Variants in ARAP2 observed in about 807,000 individuals in gnomAD.
The protein encoded by ARAP2 is arf-GAP with Rho-GAP domain, ANK repeat and PH domain-containing protein 2.
Under a neutral mutation model 194.5 loss-of-function variants are expected in ARAP2, and 148 were observed. The ratio of observed to expected loss-of-function variants is 0.76; its 90% CI spans 0.67 to 0.87. The LOEUF is 0.87. Ranked by LOEUF, ARAP2 falls within the 40% of genes least tolerant of loss-of-function variation. ARAP2 has a pLI of 0.00. For missense variants in ARAP2, 2,128 were observed against 1,989.7 expected (o/e 1.07, Z -1.32); for synonymous variants, 695 against 683.5 (o/e 1.02, Z -0.26).
At chr4:36,128,453 A>G in intron 21 of ARAP2, 80 bp downstream of exon 21, 1 of 1,001,444 alleles carries the variant, frequency 1.0e-6, no homozygotes. Flanking sequence ...ATTAAAAGGC[A>G]AGCATGTATT....
At position 36,005,649 on chromosome 4, in the gene ARAP2, A is replaced by T. The variant is rs1318450612; in HGVS notation, n.1469+1254T>A. On this transcript the variant is annotated intron_variant and non_coding_transcript_variant, in intron 10 of 12. Transcript: ENST00000503225. ...TATACAATTCTATACATTTGCCATA[A>T]ACTGACCACAATTTTGCCTCTAAGC... The T allele has an allele frequency of 3.3e-5, 5 of 152,294 alleles. No individual in the cohort carries two copies. In the East Asian group the frequency reaches 5.8e-4, roughly 18 times the overall value. The allele number at this position is 152,294 out of a possible 1,614,324, so 9.4% of individuals were successfully genotyped here. A position where few individuals can be genotyped will look rare whatever the true frequency, so the allele number is the denominator to read the frequency against.
At position 36,057,205 on chromosome 4, in the gene ARAP2, T is replaced by C. The variant is rs561057301; in HGVS notation, n.321+765A>G. On this transcript the variant is annotated intron_variant and non_coding_transcript_variant, in intron 2 of 12. Coordinates refer to the ARAP2 transcript ENST00000503225. Reference sequence around the variant, plus strand: ...ACTTTAATAATTGTAATTGTTTTTTTTTTGGCTTTCCTCTTTTATGGTGAG... The same window carrying C: ...ACTTTAATAATTGTAATTGTTTTTTCTTTGGCTTTCCTCTTTTATGGTGAG... 5.3e-5 allele frequency among the ~76,000 whole-genome samples: 8 copies of C among 152,168 alleles called. No individual in the cohort carries two copies. In the South Asian group the frequency reaches 1.7e-3, roughly 32 times the overall value.
intron 5 of ARAP2, among the ~76,000 whole-genome samples, chr4:36,025,961 C>T (rs374581593): frequency 1.3e-5 from 2 of 151,876 alleles, no homozygotes; most frequent in Non-Finnish European, 2.9e-5. Flanking sequence ...TTTTTTTCCC[C>T]TCTGTAATAG....
rs540102585 is a variant in ARAP2, at chr4:36,189,213, A to G, written c.1558-1642T>C. Among the ~76,000 whole-genome samples the G allele has an allele frequency of 2.5e-4, 38 of 152,304 alleles. No individual in the cohort carries two copies. The East Asian group carries it at 6.0e-3, about 24-fold the overall frequency. On this transcript the variant is annotated intron_variant, in intron 7 of 32. Coordinates refer to ENST00000303965, the MANE Select transcript of ARAP2 (RefSeq NM_015230.4). ...ACTTATTTCTTCTCCTTTTTACTTT[A>G]TCTTCTCTCCCTATAAAAATCCTTT...
At chr4:36,160,983 G>A (rs1458923059) in intron 12 of ARAP2, among the ~76,000 whole-genome samples, 1 of 152,160 alleles carries the variant, frequency 6.6e-6, no homozygotes, top group Non-Finnish European at 1.5e-5. Context: ...GAAGTGCTTG[G>A]TGGTGGAACA....
chr4:36,009,246 A>G (rs1319160471), intron 9 of ARAP2, among the ~76,000 whole-genome samples: 1 of 152,166 alleles, frequency 6.6e-6, no homozygotes, highest in East Asian at 1.9e-4. Flanking sequence ...CAATATGTTC[A>G]TCACAGCATT....
chr4:36,229,501 T>G lies in ARAP2; in HGVS notation c.-15A>C. 6.3e-7 allele frequency: 1 copy of G among 1,575,670 alleles called. No homozygotes were observed. Among genetic ancestry groups the G allele is most frequent in the East Asian group, 2.3e-5 (1 of 44,444 alleles). On this transcript the variant is annotated 5_prime_UTR_variant, in exon 2 of 33. Coordinates refer to ENST00000303965, the MANE Select transcript of ARAP2 (RefSeq NM_015230.4). ...ACTGAGGACATAATGGTGGCTTCAT[T>G]ACTAAGCTGAGTTACAAAAAGTGGC... is the stretch of plus-strand genomic sequence containing the variant.
chr4:36,121,345 G>C lies in ARAP2; in HGVS notation c.3747-19C>G, dbSNP rs1481900756. Reference sequence around the variant, plus strand: ...CTGAACCCTGTCAGAGAAAAGCATAGTTTATTATGATACACTTTTATTTGG... The same window carrying C: ...CTGAACCCTGTCAGAGAAAAGCATACTTTATTATGATACACTTTTATTTGG... On this transcript the variant is annotated intron_variant, in intron 22 of 32. Transcript: ENST00000303965. The C allele has an allele frequency of 6.4e-7, 1 of 1,552,086 alleles. No individual in the cohort carries two copies. The highest frequency in any genetic ancestry group is 2.0e-5 in the Admixed American group (1 of 50,776).
At chr4:36,111,015 T>C (rs1328921920) in intron 26 of ARAP2, among the ~76,000 whole-genome samples, 1 of 151,910 alleles carries the variant, frequency 6.6e-6, no homozygotes, top group Non-Finnish European at 1.5e-5. Flanking sequence ...CAATAGGTTA[T>C]CTCAGGACAG....
rs143799883 is a variant in ARAP2, at chr4:36,241,817, C to T, written c.-160+2362G>A. Among the ~76,000 whole-genome samples, 253 of 152,184 alleles carry T rather than the reference C, an allele frequency of 1.7e-3. 1 individual carries two copies. The highest frequency in any genetic ancestry group is 6.0e-3 in the African/African-American group (250 of 41,524). On this transcript the variant is annotated intron_variant, in intron 1 of 32. Coordinates refer to ENST00000303965, the MANE Select transcript of ARAP2 (RefSeq NM_015230.4). Reference sequence around the variant, plus strand: ...TTGTTTTAAATACATGGAGAAGTGGCCCCATCATCCTTCATGAGTTCTCAG... The same window carrying T: ...TTGTTTTAAATACATGGAGAAGTGGTCCCATCATCCTTCATGAGTTCTCAG...
At chr4:36,094,441 G>A (rs756101853) in intron 27 of ARAP2, among the ~76,000 whole-genome samples, 9 of 151,998 alleles carry the variant, frequency 5.9e-5, no homozygotes, top group Non-Finnish European at 8.8e-5. Context: ...AATAGCCTTA[G>A]GGGAAACTCC....
chr4:36,162,517 A>G (rs973364877), intron 11 of ARAP2, among the ~76,000 whole-genome samples: 7 of 152,124 alleles, frequency 4.6e-5, no homozygotes, highest in Non-Finnish European at 8.8e-5. Flanking sequence ...AAAAGTGTAC[A>G]GTCCACTATC....
At chr4:36,108,474 G>C (rs1259854972) in intron 26 of ARAP2, among the ~76,000 whole-genome samples, 1 of 151,816 alleles carries the variant, frequency 6.6e-6, no homozygotes, top group Non-Finnish European at 1.5e-5. Context: ...TTACAAAATA[G>C]TACTGAAGAG....
intron 5 of ARAP2, among the ~76,000 whole-genome samples, chr4:36,037,494 G>T (rs1343357637): frequency 6.6e-6 from 1 of 152,110 alleles, no homozygotes; most frequent in Non-Finnish European, 1.5e-5. Context: ...AAATTGATTG[G>T]TAAGCATAGA....
intron 6 of ARAP2, among the ~76,000 whole-genome samples, chr4:36,195,211 GC>G (rs1361677735): frequency 7.9e-5 from 12 of 151,996 alleles, no homozygotes; most frequent in African/African-American, 2.9e-4. Context: ...TGACCACCCA[GC>G]CCTCTTTCCA....
At chr4:36,119,598 T>C in intron 24 of ARAP2, 52 bp downstream of exon 24, 2 of 1,294,194 alleles carry the variant, frequency 1.5e-6, no homozygotes, top group African/African-American at 1.5e-5. Flanking sequence ...TTACTTACAA[T>C]GGAAGTTTTT....
At chr4:36,139,004 T>C (rs1190002439) in intron 19 of ARAP2, among the ~76,000 whole-genome samples, 1 of 151,768 alleles carries the variant, frequency 6.6e-6, no homozygotes, top group Non-Finnish European at 1.5e-5. Context: ...TTTGCTATTT[T>C]ATTGGGTTTT....
intron 9 of ARAP2, among the ~76,000 whole-genome samples, chr4:36,176,348 T>C (rs1368274690): frequency 6.6e-6 from 1 of 152,170 alleles, no homozygotes; most frequent in Non-Finnish European, 1.5e-5. Flanking sequence ...ACTCAATTCC[T>C]AATACTAAGG....
At chr4:36,006,152 A>C (rs1713232690) in intron 10 of ARAP2, 1 of 152,230 alleles carries the variant, frequency 6.6e-6, no homozygotes, top group Non-Finnish European at 1.5e-5. Context: ...GGACCACAAC[A>C]TGGACATGTT....
Sources: allele counts gnomAD v4.1 joint callset (sites outside exome capture counted in the v4.1 genomes callset), GRCh38; gene constraint gnomAD v4.1.1; transcripts MANE v1.5; gene names NCBI Gene and HGNC (gene_info 2026-07-23, HGNC 2026-07-21).